The following DLG2 variants were observed in gnomAD, a reference collection of about 807,000 sequenced individuals.
DLG2 encodes discs large MAGUK scaffold protein 2.
In DLG2, 45 loss-of-function variants were observed where a neutral mutation model predicts 132.5. The ratio of observed to expected loss-of-function variants is 0.34; its 90% CI spans 0.27 to 0.44. The LOEUF (loss-of-function observed/expected upper bound fraction) is 0.44, where lower values mean the gene tolerates loss of function less well. Ranked by LOEUF, DLG2 falls within the 20% of genes least tolerant of loss-of-function variation. The pLI, the probability that DLG2 is intolerant of heterozygous loss-of-function variation, is 1.00. For synonymous variants in DLG2, 424 were observed against 419.6 expected, an observed-to-expected ratio of 1.01 and a Z score of -0.13; for missense variants, 1,045 against 1,196.9, an observed-to-expected ratio of 0.87 and a Z score of 1.87.
intron 4 of DLG2, among the ~76,000 whole-genome samples, chr11:85,283,363 G>T (rs1443535129): frequency 6.7e-6 from 1 of 150,184 alleles, no homozygotes. Flanking sequence ...CTAGAATGAA[G>T]AAAGATAAAG....
intron 7 of DLG2, among the ~76,000 whole-genome samples, chr11:84,262,731 T>G (rs2097563331): frequency 6.6e-6 from 1 of 152,148 alleles, no homozygotes; most frequent in Non-Finnish European, 1.5e-5. Context: ...CTTAGGCCTT[T>G]GCATCCTCAG....
At chr11:84,652,932 G>GT (rs539310938) in intron 6 of DLG2, among the ~76,000 whole-genome samples, 10,797 of 136,100 alleles carry the variant, frequency 0.079, 491 homozygotes, top group South Asian at 0.19. Context: ...AATATTGGAG[G>GT]TTTTTTTTTT....
At chr11:84,516,454 A>G (rs2099273370) in intron 7 of DLG2, among the ~76,000 whole-genome samples, 1 of 151,690 alleles carries the variant, frequency 6.6e-6, no homozygotes, top group Non-Finnish European at 1.5e-5. Flanking sequence ...ATATGGACAA[A>G]TTGGATAACC....
chr11:83,795,225 G>A (rs140494322), intron 17 of DLG2, among the ~76,000 whole-genome samples: 3,118 of 152,006 alleles, frequency 0.021, 138 homozygotes, highest in African/African-American at 0.071. Context: ...CTAACATGGC[G>A]AAACCCCGTC....
chr11:83,527,935 C>T (rs572209511), intron 21 of DLG2, among the ~76,000 whole-genome samples: 11 of 152,018 alleles, frequency 7.2e-5, no homozygotes, highest in African/African-American at 1.4e-4. Flanking sequence ...GGCTGGTTAA[C>T]GGTGAAATTG....
chr11:84,981,933 C>T (rs2055813864), intron 6 of DLG2, among the ~76,000 whole-genome samples: 1 of 152,146 alleles, frequency 6.6e-6, no homozygotes, highest in African/African-American at 2.4e-5. Context: ...AGGTTTAGTC[C>T]TCATTTTACC....
chr11:84,984,114 G>T (rs2056153351), intron 6 of DLG2, among the ~76,000 whole-genome samples: 1 of 152,136 alleles, frequency 6.6e-6, no homozygotes, highest in Admixed American at 6.6e-5. Flanking sequence ...AACTTCCCTG[G>T]CCTTGCTAGA....
At chr11:85,322,072 T>C (rs1465226805) in intron 3 of DLG2, among the ~76,000 whole-genome samples, 3 of 152,094 alleles carry the variant, frequency 2.0e-5, no homozygotes, top group South Asian at 4.1e-4. Context: ...TCCACTTTTA[T>C]ACCTACTCTC....
intron 7 of DLG2, among the ~76,000 whole-genome samples, chr11:84,335,330 G>A (rs2098479325): frequency 6.6e-6 from 1 of 151,458 alleles, no homozygotes; most frequent in African/African-American, 2.4e-5. Flanking sequence ...ATACAAAGAA[G>A]TTTATACCAT....
At chr11:84,532,382 C>T (rs1377736711) in intron 7 of DLG2, among the ~76,000 whole-genome samples, 2 of 152,002 alleles carry the variant, frequency 1.3e-5, no homozygotes, top group Non-Finnish European at 2.9e-5. Context: ...ATATAAAATG[C>T]TAGCCTTGAT....
intron 11 of DLG2, among the ~76,000 whole-genome samples, chr11:84,041,845 G>A (rs542205379): frequency 5.9e-5 from 9 of 151,980 alleles, no homozygotes; most frequent in African/African-American, 1.7e-4. Context: ...ACTGGTGGGC[G>A]GTGATTGAAT....
chr11:84,623,255 G>T (rs774544509), intron 6 of DLG2, among the ~76,000 whole-genome samples: 1 of 151,630 alleles, frequency 6.6e-6, no homozygotes, highest in South Asian at 2.1e-4. Flanking sequence ...GATAATCAAC[G>T]TAATGACCCC....
intron 6 of DLG2, among the ~76,000 whole-genome samples, chr11:84,670,620 A>T (rs2099704764): frequency 6.6e-6 from 1 of 152,148 alleles, no homozygotes; most frequent in East Asian, 1.9e-4. Context: ...ACCACTATTG[A>T]TTGAACATGT....
rs542773578 is a variant in DLG2 at position 84,442,374 on chromosome 11, T to G, written c.519+92196A>C. On this transcript the variant is annotated intron_variant, in intron 7 of 27. Coordinates refer to ENST00000376104, the MANE Select transcript of DLG2 (RefSeq NM_001142699.3). ...TACATCCATAAAAAGGATGAATTCA[T>G]GCAGGGACATGGATGAAGGTGGAAA... 1.6e-4 allele frequency among the ~76,000 whole-genome samples: 25 copies of G among 152,206 alleles called. No homozygotes were observed. The South Asian group carries it at 3.1e-3, about 19-fold the overall frequency.
At chr11:85,391,571 T>C (rs1209054603) in intron 3 of DLG2, among the ~76,000 whole-genome samples, 1 of 152,090 alleles carries the variant, frequency 6.6e-6, no homozygotes, top group Non-Finnish European at 1.5e-5. Context: ...CAACAGCTTA[T>C]GAAAAAGATC....
intron 7 of DLG2, among the ~76,000 whole-genome samples, chr11:84,342,650 A>G (rs1251057258): frequency 6.6e-6 from 1 of 152,180 alleles, no homozygotes; most frequent in Non-Finnish European, 1.5e-5. Context: ...ATTTAGCACA[A>G]TACATTACCC....
rs1565493025 is a variant in DLG2, at chr11:83,499,893, A to ACATC, written c.2194-15666_2194-15665insGATG. Among the ~76,000 whole-genome samples the ACATC allele has an allele frequency of 1.0e-3, 116 of 114,726 alleles. 1 individual carries two copies. The highest frequency in any genetic ancestry group is 4.0e-3 in the African/African-American group (114 of 28,808). 75.3% of individuals were successfully genotyped at this position (114,726 alleles called of 152,430 possible). On this transcript the variant is annotated intron_variant, in intron 21 of 27. Transcript: ENST00000376104. ...TATATATATATATATATATATATAT[A>ACATC]TATATCAGTTCTGTCCCTCCAGAGA...
intron 4 of DLG2, among the ~76,000 whole-genome samples, chr11:85,160,199 G>C (rs959893350): frequency 1.3e-5 from 2 of 152,148 alleles, no homozygotes; most frequent in African/African-American, 4.8e-5. Flanking sequence ...CGTTACTCCC[G>C]CCCATTTATT....
intron 6 of DLG2, among the ~76,000 whole-genome samples, chr11:84,619,297 T>A (rs192577070): frequency 6.6e-6 from 1 of 151,918 alleles, no homozygotes; most frequent in Non-Finnish European, 1.5e-5. Flanking sequence ...TGGGTTGGAA[T>A]GTTAATTTAA....
Sources: gnomAD v4.1 joint callset for allele counts (sites outside exome capture counted in the v4.1 genomes callset) on GRCh38, gnomAD v4.1.1 for gene constraint, MANE v1.5 for transcripts, NCBI Gene and HGNC (gene_info 2026-07-23, HGNC 2026-07-21) for gene names.